Variants in BAZ1A observed in about 807,000 individuals in gnomAD.
BAZ1A encodes bromodomain adjacent to zinc finger domain 1A.
Under a neutral mutation model 185.2 loss-of-function variants are expected in BAZ1A, and 50 were observed. That is an observed-to-expected ratio of 0.27 (90% CI 0.22 to 0.34). The LOEUF is 0.34. Among genes scored for constraint, BAZ1A ranks in the 10% least tolerant of loss-of-function variants. BAZ1A has a pLI of 1.00. For synonymous variants in BAZ1A, 571 were observed against 615.6 expected (o/e 0.93, Z 1.07); for missense variants, 1,356 against 1,839.9 (o/e 0.74, Z 4.81).
At chr14:34,843,111 G>GAAAA in intron 3 of BAZ1A, among the ~76,000 whole-genome samples, 1 of 144,206 alleles carries the variant, frequency 6.9e-6, no homozygotes, top group African/African-American at 2.5e-5. Flanking sequence ...AGAAAACTAG[G>GAAAA]GACTGGCTAA....
intron 17 of BAZ1A, 56 bp from the exon 18 acceptor site, chr14:34,776,571 A>G: frequency 1.4e-6 from 2 of 1,423,468 alleles, no homozygotes; most frequent in Non-Finnish European, 1.9e-6. Flanking sequence ...CCATTAGAAA[A>G]ATATGAGATA....
At chr14:34,847,501 C>G (rs2042533710) in intron 3 of BAZ1A, among the ~76,000 whole-genome samples, 1 of 152,070 alleles carries the variant, frequency 6.6e-6, no homozygotes, top group Non-Finnish European at 1.5e-5. Context: ...AAGAAGTCCC[C>G]CTCCTGTAAT....
Position 34,776,401 on chromosome 14 carries a change from C to T in BAZ1A, c.2351G>A (p.Arg784Gln), listed in dbSNP as rs775846470. The part of the protein sequence containing the change: ...EEEALKQEHQ[R>Q]KEKELLEKIQ... ...TTTTTCTAAGAGCTCTTTCTCTTTT[C>T]GTTGGTGTTCCTGTTTTAATGCTTC... is the stretch of plus-strand genomic sequence containing the variant. The change falls in exon 18 of 27, where the codon CGA becomes CAA. Residue 784 changes from arginine (R) to glutamine (Q), a missense_variant. This residue lies in a region of BAZ1A where 434 missense variants were observed against 561.7 expected (regional missense o/e 0.77). Transcript: ENST00000360310. 52 of 1,613,906 alleles carry T rather than the reference C, an allele frequency of 3.2e-5. No homozygotes were observed. Among genetic ancestry groups the T allele is most frequent in the Non-Finnish European group, 3.7e-5 (44 of 1,180,026 alleles).
intron 3 of BAZ1A, among the ~76,000 whole-genome samples, chr14:34,843,687 T>C (rs2042453806): frequency 6.6e-6 from 1 of 152,190 alleles, no homozygotes; most frequent in South Asian, 2.1e-4. Context: ...TAGCTATTTT[T>C]TTCCAGTTTT....
At chr14:34,866,287 C>G (rs1448396731) in intron 2 of BAZ1A, among the ~76,000 whole-genome samples, 1 of 151,588 alleles carries the variant, frequency 6.6e-6, no homozygotes, top group Non-Finnish European at 1.5e-5. Context: ...AGCTCAAGAC[C>G]AGCCTGGGTG....
At chr14:34,855,605 T>C (rs2042664064) in intron 3 of BAZ1A, among the ~76,000 whole-genome samples, 1 of 152,220 alleles carries the variant, frequency 6.6e-6, no homozygotes, top group African/African-American at 2.4e-5. Context: ...ATATTTAAAA[T>C]GTCTTGGGCC....
In BAZ1A at chr14:34,797,953, G is replaced by A. The variant is rs548781991; in HGVS notation, c.1129-2188C>T. ...CTTGACAGACTGCACCTGGAAAATC[G>A]GGACACTCCTGCCCAAATACTGCGC... is the stretch of plus-strand genomic sequence containing the variant. On this transcript the variant is annotated intron_variant, in intron 9 of 26. Coordinates refer to ENST00000360310, the MANE Select transcript of BAZ1A (RefSeq NM_013448.3). Among the ~76,000 whole-genome samples, 5 of 152,362 alleles carry A rather than the reference G, an allele frequency of 3.3e-5. 1 individual carries two copies. The highest frequency in any genetic ancestry group is 1.9e-4 in the East Asian group (1 of 5,186).
intron 21 of BAZ1A, among the ~76,000 whole-genome samples, chr14:34,769,203 ATTGC>A: frequency 6.6e-6 from 1 of 152,186 alleles, no homozygotes; most frequent in East Asian, 1.9e-4. Context: ...GATATTCTTG[ATTGC>A]TTTATTTCAG....
Position 34,776,168 on chromosome 14 carries a change from G to T in BAZ1A, c.2584C>A (p.Pro862Thr), listed in dbSNP as rs746773957. 6 of 1,614,004 alleles carry T rather than the reference G, an allele frequency of 3.7e-6. No individual in the cohort carries two copies. In the South Asian group the frequency reaches 5.5e-5, roughly 15 times the overall value. Residue 862 changes from proline to threonine, a missense_variant, in exon 18 of 27, where the codon CCT becomes ACT. By Grantham distance (38) the Pro-to-Thr change is conservative. Around this residue, in one of 7 missense-constraint regions of BAZ1A, gnomAD observed 434 missense variants for 561.7 expected, o/e 0.77. Transcript: ENST00000360310. ...TTGGAGGTAGATTCAGACATCAAAG[G>T]CTCTCCAGTTTTAGTGGATACCTGA... ...DPQVSTKTGE[P>T]LMSESTSNID...
chr14:34,792,039 C>T (rs778902061), intron 12 of BAZ1A, among the ~76,000 whole-genome samples: 1 of 152,130 alleles, frequency 6.6e-6, no homozygotes, highest in Non-Finnish European at 1.5e-5. Flanking sequence ...ACTGTCAGAT[C>T]TAAAATGAAA....
In BAZ1A at chr14:34,802,840, A is replaced by G; in HGVS notation, c.861+14T>C. On this transcript the variant is annotated intron_variant, in intron 7 of 26. Transcript: ENST00000360310. ...TAACAGTGAAAATGTAGTTTTAATC[A>G]ATTCTGTACTTACTTGACTAATATG... 4 of 1,603,868 alleles carry G rather than the reference A, an allele frequency of 2.5e-6. No homozygotes were observed. Among genetic ancestry groups the G allele is most frequent in the Non-Finnish European group, 3.4e-6 (4 of 1,175,538 alleles).
At chr14:34,835,161 A>G (rs768091462) in intron 3 of BAZ1A, among the ~76,000 whole-genome samples, 1 of 151,848 alleles carries the variant, frequency 6.6e-6, no homozygotes, top group African/African-American at 2.4e-5. Context: ...TCCTGGGTTC[A>G]AGGAATTATC....
chr14:34,850,481 T>C (rs2042580094), intron 3 of BAZ1A, among the ~76,000 whole-genome samples: 1 of 152,204 alleles, frequency 6.6e-6, no homozygotes, highest in Admixed American at 6.5e-5. Context: ...GTCAATAGGC[T>C]CTTGAATAGT....
At position 34,776,278 on chromosome 14, in the gene BAZ1A, A is replaced by G. The variant is rs1263043915; in HGVS notation, c.2474T>C (p.Ile825Thr). The part of the protein sequence containing the change: ...WIFPSIPGLF[I>T]EEDYSGLTED... The stretch of plus-strand genomic sequence containing the variant: ...AGTAAGACCAGAATAATCCTCTTCA[A>G]TAAAGAGTCCAGGAATAGAAGGGAA... Residue 825 changes from isoleucine (I) to threonine (T), a missense_variant, in exon 18 of 27, where the codon ATT (isoleucine) becomes ACT (threonine). By Grantham distance (89) the Ile-to-Thr change is moderately conservative (BLOSUM62 -1). Coordinates refer to ENST00000360310, the MANE Select transcript of BAZ1A (RefSeq NM_013448.3). 6.2e-7 allele frequency: 1 copy of G among 1,613,692 alleles called. No individual in the cohort carries two copies. Among genetic ancestry groups the G allele is most frequent in the Non-Finnish European group, 8.5e-7 (1 of 1,179,670 alleles).
chr14:34,858,101 C>T (rs984349544), intron 3 of BAZ1A, among the ~76,000 whole-genome samples: 1 of 36,238 alleles, frequency 2.8e-5, no homozygotes, highest in Non-Finnish European at 1.7e-4. Flanking sequence ...GAGGAAACCA[C>T]CAACAACAAA....
chr14:34,776,215 T>G lies in BAZ1A; in HGVS notation c.2537A>C (p.Asn846Thr). 1 of 1,614,166 alleles carries G rather than the reference T, an allele frequency of 6.2e-7. No homozygotes were observed. Residue 846 changes from asparagine to threonine, a missense_variant, in exon 18 of 27, where the codon AAT becomes ACT. This residue lies in a region of BAZ1A where 434 missense variants were observed against 561.7 expected (regional missense o/e 0.77). Transcript: ENST00000360310. The part of the protein sequence containing the change: ...MLLPRPSSFQ[N>T]NVQSQDPQVS... ...CTGAGGATCTTGAGACTGTACATTA[T>G]TCTGAAATGATGAAGGTCTAGGCAA...
rs1430449102 is a variant in BAZ1A at position 34,757,534 on chromosome 14, A to G, written c.4386+1170T>C. 2.6e-5 allele frequency among the ~76,000 whole-genome samples: 4 copies of G among 150,958 alleles called. No homozygotes were observed. In the East Asian group the frequency reaches 8.1e-4, roughly 30 times the overall value. On this transcript the variant is annotated intron_variant, in intron 25 of 26. Coordinates refer to ENST00000360310, the MANE Select transcript of BAZ1A (RefSeq NM_013448.3). ...ACAAAAATTAGCCAGGTGTGGTGGC[A>G]GGCCCCTGTAATCCCAGCTACTTGG...
intron 3 of BAZ1A, among the ~76,000 whole-genome samples, chr14:34,840,803 CTT>C: frequency 6.6e-6 from 1 of 151,478 alleles, no homozygotes; most frequent in East Asian, 1.9e-4. Flanking sequence ...AAACAAAAAA[CTT>C]ATACTTATTA....
At chr14:34,792,002 A>T (rs571207013) in intron 12 of BAZ1A, among the ~76,000 whole-genome samples, 23 of 152,350 alleles carry the variant, frequency 1.5e-4, no homozygotes, top group African/African-American at 4.6e-4. Flanking sequence ...ACTCAGAAGT[A>T]AAATTTTATT....
Sources: gnomAD v4.1 joint callset for allele counts (sites outside exome capture counted in the v4.1 genomes callset) on GRCh38, gnomAD v4.1.1 for gene constraint, gnomAD v4.1.1 regional missense constraint, MANE v1.5 for transcripts, NCBI Gene and HGNC (gene_info 2026-07-23, HGNC 2026-07-21) for gene names.